GPR149: variants seen among roughly 807,000 people sequenced by gnomAD.
The protein encoded by GPR149 is G protein-coupled receptor 149.
Under a neutral mutation model 50.2 loss-of-function variants are expected in GPR149, and 50 were observed. The observed-to-expected ratio is 1.00, with a 90% confidence interval of 0.79 to 1.26. GPR149 has a LOEUF of 1.26. GPR149 is among the 50% of genes most tolerant of loss of function. The pLI, the probability that GPR149 is intolerant of heterozygous loss-of-function variation, is 0.00. For synonymous variants in GPR149, 405 were observed against 358.2 expected (o/e 1.13, Z -1.48); for missense variants, 983 against 895.4 (o/e 1.10, Z -1.25).
Position 154,429,217 on chromosome 3 carries a change from C to T in GPR149, c.399G>A (p.Thr133=), listed in dbSNP as rs773892252. The T allele has an allele frequency of 6.2e-7, 1 of 1,614,144 alleles. No individual in the cohort carries two copies. The highest frequency in any genetic ancestry group is 8.5e-7 in the Non-Finnish European group (1 of 1,180,036). The change falls in exon 1 of 4, where the codon ACG becomes ACA. Residue 133 remains threonine, a synonymous_variant. Coordinates refer to ENST00000389740, the MANE Select transcript of GPR149 (RefSeq NM_001038705.3). ...TCTGGCTCCCCACACCTCTGTGCAT[C>T]GTATAAAAGTTGTAAGAGACTAGGA... ...ATLLVSYNFY[T]MHRGVGSQTA... is the part of the protein sequence containing the mutation.
chr3:154,367,095 C>G (rs1278155638), intron 3 of GPR149, among the ~76,000 whole-genome samples: 5 of 152,118 alleles, frequency 3.3e-5, no homozygotes, highest in Non-Finnish European at 7.4e-5. Context: ...GGAGACTACA[C>G]GCTGCTTCTG....
intron 3 of GPR149, among the ~76,000 whole-genome samples, chr3:154,361,945 T>C (rs1714416097): frequency 6.6e-6 from 1 of 152,198 alleles, no homozygotes; most frequent in African/African-American, 2.4e-5. Context: ...TTGAGAAATT[T>C]TAATTTAGTA....
rs1325775321 is a variant in GPR149, at chr3:154,336,052, G to T, written c.*1647C>A. ...TGTGTTAAAATAGCTGTTAATATTGGTGATACAGTCTTTTAAAATAAAATA... is the reference window on the plus strand; with the variant it reads ...TGTGTTAAAATAGCTGTTAATATTGTTGATACAGTCTTTTAAAATAAAATA... On this transcript the variant is annotated 3_prime_UTR_variant, in exon 4 of 4. Coordinates refer to ENST00000389740, the MANE Select transcript of GPR149 (RefSeq NM_001038705.3). The T allele has an allele frequency of 6.6e-6, 1 of 151,952 alleles. No individual in the cohort carries two copies. The highest frequency in any genetic ancestry group is 6.6e-5 in the Admixed American group (1 of 15,260). The allele number at this position is 151,952 out of a possible 1,614,324, so 9.4% of individuals were successfully genotyped here.
Position 154,335,837 on chromosome 3 carries a change from C to G in GPR149, c.*1862G>C, listed in dbSNP as rs1387125752. ...TTATTATGATCCTGTGTCTAATTTC[C>G]TTTTTGCCTGAAATTGCATTTTAAA... is the stretch of plus-strand genomic sequence containing the variant. On this transcript the variant is annotated 3_prime_UTR_variant, in exon 4 of 4. Coordinates refer to ENST00000389740, the MANE Select transcript of GPR149 (RefSeq NM_001038705.3). The G allele has an allele frequency of 6.6e-6, 1 of 151,946 alleles. No homozygotes were observed. The highest frequency in any genetic ancestry group is 2.4e-5 in the African/African-American group (1 of 41,388). The allele number at this position is 151,946 out of a possible 1,614,324, so 9.4% of individuals were successfully genotyped here.
At position 154,376,711 on chromosome 3, in the gene GPR149, T is replaced by C. The variant is rs570412361; in HGVS notation, c.1624-38440A>G. ...TTTTGGAGAGCTTTATCTAAAAATA[T>C]ACATGTCTATTATAACATGGAAGAT... On this transcript the variant is annotated intron_variant, in intron 3 of 3. Transcript: ENST00000389740. 2.4e-4 allele frequency among the ~76,000 whole-genome samples: 37 copies of C among 152,306 alleles called. No homozygotes were observed. The South Asian group carries it at 5.4e-3, about 22-fold the overall frequency.
At chr3:154,414,633 G>A (rs1711936420) in intron 3 of GPR149, among the ~76,000 whole-genome samples, 1 of 151,894 alleles carries the variant, frequency 6.6e-6, no homozygotes, top group African/African-American at 2.4e-5. Flanking sequence ...AGGGATCAAA[G>A]TTCACATCAC....
At chr3:154,399,234 T>C (rs9289946) in intron 3 of GPR149, among the ~76,000 whole-genome samples, 138,063 of 152,126 alleles carry the variant, frequency 0.91, 62,969 homozygotes, top group Middle Eastern at 0.99. Context: ...AGAGGTCAGG[T>C]TCATTAAAGA....
chr3:154,340,100 A>G (rs563241245), intron 3 of GPR149, among the ~76,000 whole-genome samples: 1 of 151,924 alleles, frequency 6.6e-6, no homozygotes, highest in East Asian at 1.9e-4. Context: ...CCCACGCTCT[A>G]CTTCTTGAAT....
intron 3 of GPR149, among the ~76,000 whole-genome samples, chr3:154,394,536 C>A (rs1559983842): frequency 6.6e-6 from 1 of 151,920 alleles, no homozygotes; most frequent in Non-Finnish European, 1.5e-5. Context: ...GAAAAACAGA[C>A]AAGTGGAAAT....
intron 3 of GPR149, among the ~76,000 whole-genome samples, chr3:154,416,847 G>A (rs1387844843): frequency 6.6e-6 from 1 of 151,884 alleles, no homozygotes; most frequent in Non-Finnish European, 1.5e-5. Flanking sequence ...CTGGCAAAAT[G>A]GAGGACCTTG....
intron 3 of GPR149, chr3:154,353,986 A>T (rs905251739): frequency 1.7e-5 from 8 of 473,974 alleles, no homozygotes; most frequent in Non-Finnish European, 3.2e-5. Context: ...TATGAGTAGA[A>T]CTATCTAAGG....
chr3:154,428,009 G>A (rs1000749013), intron 1 of GPR149, among the ~76,000 whole-genome samples: 1 of 152,184 alleles, frequency 6.6e-6, no homozygotes, highest in Non-Finnish European at 1.5e-5. Context: ...GGAAACAGGC[G>A]TCCGTGAAAC....
chr3:154,399,496 T>G (rs1715371211), intron 3 of GPR149, among the ~76,000 whole-genome samples: 1 of 152,198 alleles, frequency 6.6e-6, no homozygotes, highest in Admixed American at 6.5e-5. Flanking sequence ...ATCACCTTTC[T>G]CCTTAGTCTA....
chr3:154,353,552 G>T, intron 3 of GPR149: 1 of 975,648 alleles, frequency 1.0e-6, no homozygotes, highest in Non-Finnish European at 1.7e-6. Context: ...CAACCAAGAT[G>T]TCAATACCAT....
In GPR149 at chr3:154,401,641, G is replaced by T. The variant is rs1711552348; in HGVS notation, c.1623+19398C>A. On this transcript the variant is annotated intron_variant, in intron 3 of 3. Coordinates refer to ENST00000389740, the MANE Select transcript of GPR149 (RefSeq NM_001038705.3). ...TAGGCTAGATACATTTCAACTTTCA[G>T]AAGGCAAACTGGGGGGAAAAACAGG... Among the ~76,000 whole-genome samples the T allele has an allele frequency of 2.6e-5, 4 of 151,968 alleles. No homozygotes were observed. The South Asian group carries it at 8.3e-4, about 31-fold the overall frequency.
At chr3:154,358,450 TA>T (rs896477073) in intron 3 of GPR149, among the ~76,000 whole-genome samples, 1 of 151,766 alleles carries the variant, frequency 6.6e-6, no homozygotes, top group African/African-American at 2.4e-5. Context: ...AAAGCTCTTC[TA>T]AAAAAAATTA....
At chr3:154,404,767 C>T (rs1711637237) in intron 3 of GPR149, among the ~76,000 whole-genome samples, 1 of 152,180 alleles carries the variant, frequency 6.6e-6, no homozygotes, top group Non-Finnish European at 1.5e-5. Context: ...ACAAACCACA[C>T]AGAGTTTTTG....
chr3:154,374,688 C>T (rs1466316112), intron 3 of GPR149, among the ~76,000 whole-genome samples: 2 of 151,982 alleles, frequency 1.3e-5, no homozygotes, highest in Non-Finnish European at 2.9e-5. Flanking sequence ...GTCCAAAGGG[C>T]ATATATATAT....
At chr3:154,338,362 G>T in intron 3 of GPR149, 91 bp from the exon 4 acceptor site, 3 of 1,048,592 alleles carry the variant, frequency 2.9e-6, no homozygotes, top group Middle Eastern at 2.1e-4. Flanking sequence ...AATGATAAAG[G>T]TTTTCTATTT....
Sources: gnomAD v4.1 joint callset for allele counts (sites outside exome capture counted in the v4.1 genomes callset) on GRCh38, gnomAD v4.1.1 for gene constraint, MANE v1.5 for transcripts, NCBI Gene and HGNC (gene_info 2026-07-23, HGNC 2026-07-21) for gene names.